SLC71A1: variants seen among roughly 807,000 people sequenced by gnomAD.
SLC71A1 encodes hippocampus abundant gene transcript 1.
At chr1:100,068,415 A>G in the SLC71A1 span, 3 of 1,194,470 alleles carry the variant, frequency 2.5e-6, no homozygotes, top group South Asian at 2.5e-5. Flanking sequence ...TATTCTTAAG[A>G]ATAGTTCAGT....
the SLC71A1 span, chr1:100,068,368 GT>G: frequency 1.1e-6 from 1 of 931,446 alleles, no homozygotes. Context: ...AGGACAACTA[GT>G]TGTCCATGAG....
the SLC71A1 span, chr1:100,069,468 T>A: frequency 1.7e-6 from 1 of 583,656 alleles, no homozygotes; most frequent in African/African-American, 1.9e-5. Context: ...TATGTTGTAT[T>A]TCCTCTGAGG....
At chr1:100,048,151 G>A in the SLC71A1 span, among the ~76,000 whole-genome samples, 1 of 151,820 alleles carries the variant, frequency 6.6e-6, no homozygotes, top group Non-Finnish European at 1.5e-5. Flanking sequence ...TGAACATGGT[G>A]GACAAAACAG....
the SLC71A1 span, among the ~76,000 whole-genome samples, chr1:100,050,273 G>C: frequency 6.6e-6 from 1 of 152,170 alleles, no homozygotes; most frequent in African/African-American, 2.4e-5. Flanking sequence ...TAAAATGGAA[G>C]AGATTCTTAA....
the SLC71A1 span, among the ~76,000 whole-genome samples, chr1:100,064,807 T>G: frequency 6.6e-6 from 1 of 151,752 alleles, no homozygotes; most frequent in African/African-American, 2.4e-5. Flanking sequence ...CACTGAAGCC[T>G]TGGCTTCCTG....
At chr1:100,081,020 T>C in the SLC71A1 span, among the ~76,000 whole-genome samples, 1 of 152,246 alleles carries the variant, frequency 6.6e-6, no homozygotes, top group South Asian at 2.1e-4. Context: ...GTTCACTGTT[T>C]GCTATATTTC....
chr1:100,056,894 CTG>C, the SLC71A1 span, among the ~76,000 whole-genome samples: 1 of 152,132 alleles, frequency 6.6e-6, no homozygotes, highest in Non-Finnish European at 1.5e-5. Context: ...TGATATTTCA[CTG>C]TAGTTTTGAT....
chr1:100,080,186 GTGAC>G, the SLC71A1 span: 1 of 193,702 alleles, frequency 5.2e-6, no homozygotes, highest in African/African-American at 2.3e-5. Flanking sequence ...TTGTGAAATT[GTGAC>G]TGATTTTTAA....
At chr1:100,077,387 T>C in the SLC71A1 span, 3 of 631,226 alleles carry the variant, frequency 4.8e-6, no homozygotes, top group Non-Finnish European at 8.4e-6. Flanking sequence ...TACTATGCTT[T>C]TTATCTTTCA....
the SLC71A1 span, among the ~76,000 whole-genome samples, chr1:100,039,466 A>G: frequency 1.4e-4 from 21 of 152,340 alleles, no homozygotes; most frequent in Non-Finnish European, 2.5e-4. Context: ...AACTTGAGAC[A>G]TATGTAATGA....
chr1:100,069,503 C>T, the SLC71A1 span: 2 of 656,992 alleles, frequency 3.0e-6, no homozygotes, highest in Non-Finnish European at 5.4e-6. Context: ...AAATGAATTA[C>T]ATTTATTTTT....
At chr1:100,053,795 G>A in the SLC71A1 span, among the ~76,000 whole-genome samples, 1 of 152,164 alleles carries the variant, frequency 6.6e-6, no homozygotes, top group Non-Finnish European at 1.5e-5. Flanking sequence ...GGGGAAGATG[G>A]TGAGCCTCTA....
At chr1:100,042,678 G>T in the SLC71A1 span, among the ~76,000 whole-genome samples, 3 of 151,762 alleles carry the variant, frequency 2.0e-5, no homozygotes, top group African/African-American at 7.3e-5. Context: ...CGTGATCTTG[G>T]CTCACAGCAA....
chr1:100,080,522 A>G, the SLC71A1 span: 1 of 1,613,900 alleles, frequency 6.2e-7, no homozygotes, highest in Non-Finnish European at 8.5e-7. Flanking sequence ...GATAACAGGA[A>G]TTCGAGGATT....
chr1:100,046,133 A>T, the SLC71A1 span, among the ~76,000 whole-genome samples: 1 of 145,974 alleles, frequency 6.9e-6, no homozygotes, highest in African/African-American at 2.5e-5. Flanking sequence ...ATCTGTTTTT[A>T]TACCAGTATT....
the SLC71A1 span, among the ~76,000 whole-genome samples, chr1:100,074,846 G>A: frequency 3.9e-5 from 6 of 152,130 alleles, no homozygotes; most frequent in Non-Finnish European, 8.8e-5. Context: ...CTGCACTCTA[G>A]CCTTGGCAAC....
chr1:100,080,634 C>T, the SLC71A1 span: 1 of 1,614,010 alleles, frequency 6.2e-7, no homozygotes, highest in South Asian at 1.1e-5. Flanking sequence ...GGAACAAACA[C>T]AAGCCCTCAG....
At chr1:100,056,397 T>A in the SLC71A1 span, among the ~76,000 whole-genome samples, 1 of 152,244 alleles carries the variant, frequency 6.6e-6, no homozygotes, top group African/African-American at 2.4e-5. Context: ...CTTTCATTCA[T>A]CTGTTGATGG....
At chr1:100,072,594 A>C in the SLC71A1 span, among the ~76,000 whole-genome samples, 17 of 151,726 alleles carry the variant, frequency 1.1e-4, no homozygotes, top group African/African-American at 3.9e-4. Context: ...AAAAAAAAAA[A>C]CTTAAAAAAT....
Sources: gnomAD v4.1 joint callset for allele counts (sites outside exome capture counted in the v4.1 genomes callset) on GRCh38, gnomAD v4.1.1 for gene constraint, MANE v1.5 for transcripts, NCBI Gene and HGNC (gene_info 2026-07-23, HGNC 2026-07-21) for gene names.